GLIS3: variants seen among roughly 807,000 people sequenced by gnomAD.
GLIS3 encodes GLIS family zinc finger 3, also known as zinc finger protein GLIS3.
GLIS3 carries 53 observed loss-of-function variants against 78.6 expected under a neutral mutation model. The observed-to-expected ratio is 0.67, with a 90% CI of 0.54 to 0.85. The LOEUF (loss-of-function observed/expected upper bound fraction) is 0.85, where lower values mean the gene tolerates loss of function less well. Ranked by LOEUF, GLIS3 falls within the 40% of genes least tolerant of loss-of-function variation. The pLI, the probability that GLIS3 is intolerant of heterozygous loss-of-function variation, is 0.00. For synonymous variants in GLIS3, 684 were observed against 509.9 expected, an observed-to-expected ratio of 1.34 and a Z score of -4.60; for missense variants, 1,703 against 1,231.1, an observed-to-expected ratio of 1.38 and a Z score of -5.74.
At position 3,932,482 on chromosome 9, in the gene GLIS3, A is replaced by G; in HGVS notation, c.1873-12T>C. On this transcript the variant is annotated splice_polypyrimidine_tract_variant and intron_variant, in intron 5 of 10. Transcript: ENST00000381971. ...CAAGCATAAGGTTTCTAAATGAGAAAGAAAGAAAGAAACAGCTGTGGTTAA... is the reference window on the plus strand; with the variant it reads ...CAAGCATAAGGTTTCTAAATGAGAAGGAAAGAAAGAAACAGCTGTGGTTAA... 1.3e-6 allele frequency: 2 copies of G among 1,574,172 alleles called. No homozygotes were observed. The highest frequency in any genetic ancestry group is 8.7e-7 in the Non-Finnish European group (1 of 1,143,634).
Position 4,299,486 on chromosome 9 carries a change from A to G in GLIS3, c.-164T>C, listed in dbSNP as rs1310997754. 1 of 152,506 alleles carries G rather than the reference A, an allele frequency of 6.6e-6. No individual in the cohort carries two copies. Among genetic ancestry groups the G allele is most frequent in the African/African-American group, 2.4e-5 (1 of 41,466 alleles). The allele number at this position is 152,506 out of a possible 1,614,324, so 9.4% of individuals were successfully genotyped here. A position where few individuals can be genotyped will look rare whatever the true frequency, so the allele number is the denominator to read the frequency against. The stretch of plus-strand genomic sequence containing the variant: ...TCCCTTCCCCCGGCCGGCCAGCGCG[A>G]GTGACAGCGGGCGGCCGGCGCTGGC... On this transcript the variant is annotated 5_prime_UTR_variant, in exon 1 of 11. Transcript: ENST00000381971.
chr9:4,462,313 A>G, the GLIS3 span, among the ~76,000 whole-genome samples: 1 of 152,302 alleles, frequency 6.6e-6, no homozygotes, highest in South Asian at 2.1e-4. Flanking sequence ...TAGCAACTTG[A>G]TATTGCCAGA....
At chr9:4,446,345 C>T in the GLIS3 span, among the ~76,000 whole-genome samples, 1 of 152,246 alleles carries the variant, frequency 6.6e-6, no homozygotes, top group South Asian at 2.1e-4. Context: ...AAGTAGGAAG[C>T]TATGCCTTCA....
intron 2 of GLIS3, among the ~76,000 whole-genome samples, chr9:4,232,109 G>A (rs745703899): frequency 1.4e-4 from 22 of 152,138 alleles, no homozygotes; most frequent in Non-Finnish European, 2.8e-4. Context: ...TGGGCATGGA[G>A]ACGCACACCT....
At position 3,828,257 on chromosome 9, in the gene GLIS3, T is replaced by G; in HGVS notation, c.*15A>C. 6.2e-7 allele frequency: 1 copy of G among 1,613,730 alleles called. No individual in the cohort carries two copies. ...CATCAAGGTCCTGGGTGTGCAGGAG[T>G]GGCCAAGAGAGCTTTTAGCCTTCGG... On this transcript the variant is annotated 3_prime_UTR_variant, in exon 11 of 11. Transcript: ENST00000381971.
At chr9:3,849,069 A>C (rs183092294) in intron 9 of GLIS3, among the ~76,000 whole-genome samples, 30 of 152,330 alleles carry the variant, frequency 2.0e-4, no homozygotes. Context: ...TGTTTTCCTA[A>C]CGAAATCTAG....
At chr9:4,426,332 C>T in the GLIS3 span, among the ~76,000 whole-genome samples, 1 of 152,176 alleles carries the variant, frequency 6.6e-6, no homozygotes, top group African/African-American at 2.4e-5. Context: ...CCTCCTGCTC[C>T]AAAGGTCTTC....
Position 3,871,152 on chromosome 9 carries a change from A to C in GLIS3, c.2297+8275T>G, listed in dbSNP as rs1473175068. Among the ~76,000 whole-genome samples, 3 of 152,318 alleles carry C rather than the reference A, an allele frequency of 2.0e-5. No individual in the cohort carries two copies. The South Asian group carries it at 6.2e-4, about 32-fold the overall frequency. On this transcript the variant is annotated intron_variant, in intron 8 of 10. Coordinates refer to ENST00000381971, the MANE Select transcript of GLIS3 (RefSeq NM_001042413.2). Reference sequence around the variant, plus strand: ...TCCTTTGACTCCATGTCTCATACCCAGGTCACACTGATGCAAGAGGTGGGT... The same window carrying C: ...TCCTTTGACTCCATGTCTCATACCCCGGTCACACTGATGCAAGAGGTGGGT...
chr9:4,029,161 T>C (rs1347030960), intron 4 of GLIS3, among the ~76,000 whole-genome samples: 1 of 152,158 alleles, frequency 6.6e-6, no homozygotes, highest in Non-Finnish European at 1.5e-5. Flanking sequence ...GCCTCCTCAA[T>C]ACCTTAAAAA....
chr9:4,124,207 TA>T (rs1832397090), intron 3 of GLIS3, among the ~76,000 whole-genome samples: 1 of 152,126 alleles, frequency 6.6e-6, no homozygotes, highest in Non-Finnish European at 1.5e-5. Flanking sequence ...AAAAATTCCA[TA>T]GAAGGACTCA....
upstream of GLIS3, among the ~76,000 whole-genome samples, chr9:4,351,199 G>C (rs919373920): frequency 6.6e-6 from 1 of 151,978 alleles, no homozygotes; most frequent in Non-Finnish European, 1.5e-5. Context: ...GCCAAGATCA[G>C]GCCACTGCAC....
the GLIS3 span, among the ~76,000 whole-genome samples, chr9:4,482,026 T>C: frequency 6.6e-6 from 1 of 152,206 alleles, no homozygotes; most frequent in Non-Finnish European, 1.5e-5. Flanking sequence ...TTAGTTCTAG[T>C]GAGATTGAAG....
intron 4 of GLIS3, among the ~76,000 whole-genome samples, chr9:4,012,090 C>T (rs1822062484): frequency 1.3e-5 from 2 of 152,152 alleles, no homozygotes; most frequent in African/African-American, 4.8e-5. Context: ...AACAAAACCC[C>T]TTCTAACTTT....
At chr9:3,879,375 A>T in intron 8 of GLIS3, 52 bp downstream of exon 8, 1 of 1,557,172 alleles carries the variant, frequency 6.4e-7, no homozygotes, top group East Asian at 2.2e-5. Flanking sequence ...CTTGTCTGTG[A>T]AGGGAGGTTT....
At chr9:4,218,888 T>G (rs1056598418) in intron 2 of GLIS3, among the ~76,000 whole-genome samples, 1 of 152,190 alleles carries the variant, frequency 6.6e-6, no homozygotes, top group Non-Finnish European at 1.5e-5. Flanking sequence ...TTTCATGGCT[T>G]TATCTTCCAC....
At chr9:3,987,431 G>C (rs1304236169) in intron 4 of GLIS3, among the ~76,000 whole-genome samples, 2 of 152,110 alleles carry the variant, frequency 1.3e-5, no homozygotes, top group East Asian at 3.8e-4. Flanking sequence ...GCTGGGTGCA[G>C]TGATTCACGC....
chr9:4,286,303 C>T lies in GLIS3; in HGVS notation c.123G>A (p.Ser41=), dbSNP rs558934420. ...IRAHSGTPGP[S]PCGSTSSPTM... ...TGGGACTCGATGTGCTGCCACAGGG[C>T]GAGGGGCCAGGAGTCCCGGAGTGGG... Residue 41 remains serine (S), a synonymous_variant, in exon 2 of 11, where the codon TCG becomes TCA. Transcript: ENST00000381971. 8 of 1,614,192 alleles carry T rather than the reference C, an allele frequency of 5.0e-6. No homozygotes were observed. The highest frequency in any genetic ancestry group is 3.3e-5 in the South Asian group (3 of 91,088).
chr9:4,408,726 CAAAAAAA>C, the GLIS3 span, among the ~76,000 whole-genome samples: 2 of 56,760 alleles, frequency 3.5e-5, no homozygotes, highest in African/African-American at 1.3e-4. Context: ...GACTCTGTCT[CAAAAAAA>C]AAAAAAAAAA....
At chr9:4,023,959 G>A (rs1823092713) in intron 4 of GLIS3, among the ~76,000 whole-genome samples, 1 of 151,880 alleles carries the variant, frequency 6.6e-6, no homozygotes, top group Non-Finnish European at 1.5e-5. Flanking sequence ...AAACAAGGGT[G>A]GTGAATCTAG....
Sources: gnomAD v4.1 joint callset for allele counts (sites outside exome capture counted in the v4.1 genomes callset) on GRCh38, gnomAD v4.1.1 for gene constraint, MANE v1.5 for transcripts, NCBI Gene and HGNC (gene_info 2026-07-23, HGNC 2026-07-21) for gene names.